SYNE2: variants seen among roughly 807,000 people sequenced by gnomAD.
SYNE2 encodes the protein spectrin repeat containing nuclear envelope protein 2.
Under a neutral mutation model 856.3 loss-of-function variants are expected in SYNE2, and 431 were observed. That is an observed-to-expected ratio of 0.50 (90% CI 0.47 to 0.55). SYNE2 has a LOEUF of 0.55. SYNE2 is among the 20% of genes least tolerant of loss of function. The pLI is 0.00. For missense variants in SYNE2, 8,129 were observed against 8,023.2 expected, an observed-to-expected ratio of 1.01 and a Z score of -0.50; for synonymous variants, 2,923 against 2,872.3, an observed-to-expected ratio of 1.02 and a Z score of -0.56.
chr14:64,165,765 C>T lies in SYNE2; in HGVS notation c.16605+355C>T, dbSNP rs772732755. Reference sequence around the variant, plus strand: ...TTGACGTCAGGTGATCCGCCTGCCTCGGCCTCCCAAAGTGCTGGGATTACA... The same window carrying T: ...TTGACGTCAGGTGATCCGCCTGCCTTGGCCTCCCAAAGTGCTGGGATTACA... On this transcript the variant is annotated intron_variant, in intron 90 of 115. Transcript: ENST00000555002. Among the ~76,000 whole-genome samples the T allele has an allele frequency of 7.2e-5, 11 of 152,132 alleles. No individual in the cohort carries two copies. In the East Asian group the frequency reaches 7.7e-4, roughly 11 times the overall value.
At chr14:64,158,500 TA>T in intron 85 of SYNE2, 124 bp from the exon 86 acceptor site, 2 of 1,024,260 alleles carry the variant, frequency 2.0e-6, no homozygotes, top group Non-Finnish European at 3.0e-6. Flanking sequence ...CACCTTCAGT[TA>T]ATCACTGGTG....
intron 1 of SYNE2, among the ~76,000 whole-genome samples, chr14:63,805,727 C>A (rs756591675): frequency 7.3e-4 from 111 of 151,990 alleles, no homozygotes; most frequent in Non-Finnish European, 1.4e-3. Flanking sequence ...GTATTTTGTA[C>A]GTGTGTGTGT....
In SYNE2 at chr14:63,982,709, G is replaced by A. The variant is rs2096596087; in HGVS notation, c.1916G>A (p.Ser639Asn). 6.2e-7 allele frequency: 1 copy of A among 1,614,026 alleles called. No homozygotes were observed. The highest frequency in any genetic ancestry group is 8.5e-7 in the Non-Finnish European group (1 of 1,179,974). The part of the protein sequence containing the change: ...NEAGNFLVEV[S>N]NDVVGSSISK... ...GCAGGAAATTTCTTAGTCGAAGTCAGCAATGATGTGGTTGGATCATCTATT... is the reference window on the plus strand; with the variant it reads ...GCAGGAAATTTCTTAGTCGAAGTCAACAATGATGTGGTTGGATCATCTATT... Residue 639 changes from serine (S) to asparagine (N), a missense_variant, in exon 17 of 116, where the codon AGC becomes AAC. This residue lies in a region of SYNE2 where 2,422 missense variants were observed against 2,357.4 expected (regional missense o/e 1.03). Transcript: ENST00000555002.
chr14:63,787,314 A>C (rs145072237), intron 1 of SYNE2, among the ~76,000 whole-genome samples: 1 of 152,138 alleles, frequency 6.6e-6, no homozygotes, highest in African/African-American at 2.4e-5. Context: ...TTTTGTACCC[A>C]TTAACTGACT....
At chr14:63,950,296 A>G (rs1036130933) in intron 7 of SYNE2, among the ~76,000 whole-genome samples, 13 of 152,120 alleles carry the variant, frequency 8.5e-5, no homozygotes, top group African/African-American at 2.9e-4. Flanking sequence ...GCTCACTCCT[A>G]TAATCCCAGC....
At chr14:64,122,664 T>A in intron 70 of SYNE2, 1 of 627,036 alleles carries the variant, frequency 1.6e-6, no homozygotes, top group South Asian at 1.9e-5. Context: ...CGCCTGTTTG[T>A]TTATAGTCTG....
intron 60 of SYNE2, 50 bp downstream of exon 60, chr14:64,091,098 A>C (rs779298477): frequency 6.3e-7 from 1 of 1,579,282 alleles, no homozygotes; most frequent in East Asian, 2.3e-5. Flanking sequence ...ATGTTCACCA[A>C]AAGCTGGTTT....
chr14:63,815,045 T>TGG (rs1284865672), intron 1 of SYNE2, among the ~76,000 whole-genome samples: 7 of 129,796 alleles, frequency 5.4e-5, no homozygotes, highest in African/African-American at 1.4e-4. Flanking sequence ...TACATCCACA[T>TGG]ATATATATCC....
chr14:64,093,501 A>C (rs948572009), intron 61 of SYNE2, 21 bp downstream of exon 61: 1 of 1,614,064 alleles, frequency 6.2e-7, no homozygotes, highest in Non-Finnish European at 8.5e-7. Flanking sequence ...TTCATTCATA[A>C]AGGTATGTTT....
chr14:63,789,274 G>A (rs1284184903), intron 1 of SYNE2, among the ~76,000 whole-genome samples: 1 of 152,108 alleles, frequency 6.6e-6, no homozygotes, highest in Non-Finnish European at 1.5e-5. Context: ...GTCAACTGGG[G>A]AACTCCCTTC....
Position 64,001,990 on chromosome 14 carries a change from T to G in SYNE2, c.3695T>G (p.Leu1232Arg), listed in dbSNP as rs2096758621. 2 of 1,613,650 alleles carry G rather than the reference T, an allele frequency of 1.2e-6. No homozygotes were observed. Among genetic ancestry groups the G allele is most frequent in the Admixed American group, 1.7e-5 (1 of 59,914 alleles). Reference protein sequence around the residue: ...RLVLPVEKASLLLCGSDLPLH... With the variant: ...RLVLPVEKASRLLCGSDLPLH... ...GTGTTACCTGTAGAGAAGGCATCAC[T>G]TCTTCTCTGTGGCTCGGACCTGCCT... Residue 1232 changes from leucine to arginine, a missense_variant, in exon 29 of 116, where the codon CTT becomes CGT. This residue lies in a region of SYNE2 where 2,422 missense variants were observed against 2,357.4 expected (regional missense o/e 1.03). Coordinates refer to ENST00000555002, the MANE Select transcript of SYNE2 (RefSeq NM_182914.3).
chr14:63,828,503 G>A lies in SYNE2; in HGVS notation c.-304-23998G>A, dbSNP rs777223843. 2.2e-3 allele frequency among the ~76,000 whole-genome samples: 338 copies of A among 152,096 alleles called. 4 individuals carry two copies. Among genetic ancestry groups the A allele is most frequent in the East Asian group, 1.4e-3 (7 of 5,156 alleles). On this transcript the variant is annotated intron_variant, in intron 1 of 23. Coordinates refer to the SYNE2 transcript ENST00000674003. ...AAAATATAAAAATTAGCCAGGCATG[G>A]TGGCAGGTGCCTGTAATCCCAGCAC... is the stretch of plus-strand genomic sequence containing the variant.
At chr14:64,166,491 C>G (rs937689551) in intron 90 of SYNE2, among the ~76,000 whole-genome samples, 1 of 152,158 alleles carries the variant, frequency 6.6e-6, no homozygotes, top group Non-Finnish European at 1.5e-5. Context: ...TGCTTTCTTG[C>G]AATGTCATGT....
chr14:64,132,319 A>G lies in SYNE2; in HGVS notation c.14395A>G (p.Lys4799Glu). ...GTTGTTGATCCAAGCATACTCTGCC[A>G]AAATACTTCCTTCTTTATTGCAAAA... ...DMLLIQAYSA[K>E]ILPSLLQNRE... Residue 4799 changes from lysine (K) to glutamate (E), a missense_variant, in exon 77 of 116, where the codon AAA becomes GAA. By Grantham distance (56) the Lys-to-Glu change is moderately conservative (BLOSUM62 1). This residue lies in a region of SYNE2 where 5,410 missense variants were observed against 5,284.8 expected (regional missense o/e 1.02). Transcript: ENST00000555002. The G allele has an allele frequency of 1.2e-6, 2 of 1,614,196 alleles. No individual in the cohort carries two copies. The highest frequency in any genetic ancestry group is 1.7e-6 in the Non-Finnish European group (2 of 1,180,048).
chr14:64,012,976 A>G lies in SYNE2; in HGVS notation c.4728+2860A>G, dbSNP rs75018677. On this transcript the variant is annotated intron_variant, in intron 32 of 115. Coordinates refer to ENST00000555002, the MANE Select transcript of SYNE2 (RefSeq NM_182914.3). ...AGTAACCTGGATGTTTATCTAGGAT[A>G]TGGTGACAAAGTTCTACTCTCTTTA... Among the ~76,000 whole-genome samples, 1,392 of 152,300 alleles carry G rather than the reference A, an allele frequency of 9.1e-3. 18 individuals carry two copies. The highest frequency in any genetic ancestry group is 0.031 in the African/African-American group (1,288 of 41,558).
At chr14:63,875,863 G>C (rs1376079110) in intron 1 of SYNE2, among the ~76,000 whole-genome samples, 2 of 152,192 alleles carry the variant, frequency 1.3e-5, no homozygotes, top group Non-Finnish European at 2.9e-5. Flanking sequence ...GGAAGAGCCT[G>C]CTCTTGCCCT....
chr14:64,017,839 A>C (rs2096905147), intron 34 of SYNE2, 83 bp downstream of exon 34: 2 of 1,373,220 alleles, frequency 1.5e-6, no homozygotes, highest in Admixed American at 1.7e-5. Context: ...AACAAACATT[A>C]GGATGCTCAT....
chr14:63,852,843 C>T (rs1890670857), upstream of SYNE2: 1 of 152,120 alleles, frequency 6.6e-6, no homozygotes, highest in African/African-American at 2.4e-5. Flanking sequence ...AAGTTGCCCG[C>T]CCCGGGCTGC....
intron 38 of SYNE2, chr14:64,023,372 A>C (rs2096952474): frequency 6.4e-6 from 1 of 155,226 alleles, no homozygotes; most frequent in Admixed American, 6.3e-5. Context: ...GTGTGTGTAC[A>C]AATGGCTTAC....
Sources: gnomAD v4.1 joint callset for allele counts (sites outside exome capture counted in the v4.1 genomes callset) on GRCh38, gnomAD v4.1.1 for gene constraint, gnomAD v4.1.1 regional missense constraint, MANE v1.5 for transcripts, NCBI Gene and HGNC (gene_info 2026-07-23, HGNC 2026-07-21) for gene names.